The following DLGAP1 variants were observed in gnomAD, a reference collection of about 807,000 sequenced individuals.
DLGAP1 encodes the protein disks large-associated protein 1.
A neutral mutation model predicts 90.8 loss-of-function variants in DLGAP1; 11 were observed. The observed-to-expected ratio is 0.12, with a 90% CI of 0.08 to 0.20. The LOEUF (loss-of-function observed/expected upper bound fraction) is 0.20, where lower values mean the gene tolerates loss of function less well. Among genes scored for constraint, DLGAP1 ranks in the 10% least tolerant of loss-of-function variants. The pLI, the probability that DLGAP1 is intolerant of heterozygous loss-of-function variation, is 1.00. For synonymous variants in DLGAP1, 558 were observed against 540.7 expected (o/e 1.03, Z -0.44); for missense variants, 1,050 against 1,333.8 (o/e 0.79, Z 3.31).
intron 2 of DLGAP1, among the ~76,000 whole-genome samples, chr18:4,043,919 G>C (rs1446583769): frequency 6.6e-6 from 1 of 152,118 alleles, no homozygotes; most frequent in Non-Finnish European, 1.5e-5. Flanking sequence ...AGGGGAAATT[G>C]ATAAAACTTT....
chr18:3,520,516 C>A (rs1174104880), intron 10 of DLGAP1, among the ~76,000 whole-genome samples: 1 of 152,160 alleles, frequency 6.6e-6, no homozygotes, highest in Non-Finnish European at 1.5e-5. Context: ...GATTAAATTA[C>A]AATGAGGTCA....
chr18:3,620,343 G>A (rs757065306), intron 7 of DLGAP1, among the ~76,000 whole-genome samples: 28 of 151,946 alleles, frequency 1.8e-4, no homozygotes, highest in Non-Finnish European at 3.2e-4. Flanking sequence ...CTAGAAGCCC[G>A]AAAAGGACAC....
intron 9 of DLGAP1, among the ~76,000 whole-genome samples, chr18:3,561,208 G>A (rs1232016879): frequency 6.9e-6 from 1 of 145,710 alleles, no homozygotes. Flanking sequence ...CAGAGATTAG[G>A]AGTTTGAGAC....
chr18:4,258,768 T>C (rs987545732), intron 1 of DLGAP1, among the ~76,000 whole-genome samples: 1 of 151,854 alleles, frequency 6.6e-6, no homozygotes, highest in East Asian at 1.9e-4. Flanking sequence ...CAAATAGAAA[T>C]GATCAGCAAA....
At chr18:3,869,182 C>T (rs1459855359) in intron 4 of DLGAP1, among the ~76,000 whole-genome samples, 1 of 145,530 alleles carries the variant, frequency 6.9e-6, no homozygotes, top group Admixed American at 7.0e-5. Flanking sequence ...TGTATGAATA[C>T]ACTAAAGCTT....
chr18:3,898,064 G>C (rs942903696), intron 3 of DLGAP1, among the ~76,000 whole-genome samples: 3 of 152,172 alleles, frequency 2.0e-5, no homozygotes, highest in Non-Finnish European at 2.9e-5. Flanking sequence ...AAAGTGCTGG[G>C]ATTACAGGCG....
intron 3 of DLGAP1, among the ~76,000 whole-genome samples, chr18:3,973,251 C>A (rs988906235): frequency 6.2e-5 from 9 of 144,266 alleles, no homozygotes; most frequent in Non-Finnish European, 7.5e-5. Context: ...TAGAAAAAAA[C>A]CATTTTCAGT....
chr18:3,673,072 G>A (rs1435212725), intron 7 of DLGAP1, among the ~76,000 whole-genome samples: 1 of 152,174 alleles, frequency 6.6e-6, no homozygotes, highest in East Asian at 1.9e-4. Flanking sequence ...GTCTATCTTA[G>A]TCTAGATTCA....
intron 1 of DLGAP1, among the ~76,000 whole-genome samples, chr18:4,291,490 G>C (rs1217186797): frequency 2.0e-5 from 3 of 151,976 alleles, no homozygotes; most frequent in Non-Finnish European, 4.4e-5. Context: ...TTGTTACCAG[G>C]TATGTCATGT....
intron 1 of DLGAP1, among the ~76,000 whole-genome samples, chr18:4,266,543 TTTTC>T (rs1246414868): frequency 6.6e-6 from 1 of 152,228 alleles, no homozygotes; most frequent in Admixed American, 6.5e-5. Flanking sequence ...CTGTTCACTT[TTTTC>T]TTTATTTCCC....
intron 1 of DLGAP1, among the ~76,000 whole-genome samples, chr18:4,169,171 A>G (rs1438727498): frequency 2.0e-5 from 3 of 152,192 alleles, no homozygotes; most frequent in African/African-American, 7.2e-5. Flanking sequence ...ACCACTTGCA[A>G]TGCACAAGAC....
intron 5 of DLGAP1, among the ~76,000 whole-genome samples, chr18:3,766,491 A>C (rs2064248804): frequency 6.6e-6 from 1 of 152,204 alleles, no homozygotes; most frequent in Non-Finnish European, 1.5e-5. Flanking sequence ...CAGACATTAG[A>C]GAACACTCTA....
chr18:4,070,583 C>T (rs934852973), intron 2 of DLGAP1, among the ~76,000 whole-genome samples: 6 of 151,752 alleles, frequency 4.0e-5, no homozygotes, highest in African/African-American at 9.7e-5. Flanking sequence ...AAGATCTATG[C>T]TAAGAGAAAC....
chr18:3,563,477 T>G (rs1334596993), intron 9 of DLGAP1, among the ~76,000 whole-genome samples: 11 of 534 alleles, frequency 0.021, no homozygotes, highest in South Asian at 0.17. Context: ...TTTTTTTGGT[T>G]TTTTTTTTTG....
chr18:4,296,209 C>G (rs2079977374), intron 1 of DLGAP1, among the ~76,000 whole-genome samples: 1 of 152,328 alleles, frequency 6.6e-6, no homozygotes, highest in African/African-American at 2.4e-5. Flanking sequence ...AGCACGCAGC[C>G]TTCCTTTACC....
At chr18:4,296,741 C>T (rs1290297863) in intron 1 of DLGAP1, among the ~76,000 whole-genome samples, 1 of 152,212 alleles carries the variant, frequency 6.6e-6, no homozygotes, top group Admixed American at 6.5e-5. Context: ...AAATAACCAA[C>T]TGAAACTATA....
At chr18:4,434,699 G>A (rs1341019596) in intron 1 of DLGAP1, among the ~76,000 whole-genome samples, 1 of 152,154 alleles carries the variant, frequency 6.6e-6, no homozygotes, top group East Asian at 1.9e-4. Flanking sequence ...GCAATACATT[G>A]TAAGGAGTAC....
intron 2 of DLGAP1, among the ~76,000 whole-genome samples, chr18:4,130,642 G>A (rs568956014): frequency 6.6e-6 from 1 of 152,068 alleles, no homozygotes; most frequent in Non-Finnish European, 1.5e-5. Flanking sequence ...CAGTAGAAGG[G>A]GCAGGACCAC....
intron 7 of DLGAP1, among the ~76,000 whole-genome samples, chr18:3,608,846 T>C (rs902289402): frequency 2.6e-5 from 4 of 152,214 alleles, no homozygotes; most frequent in Admixed American, 1.3e-4. Context: ...CTGAAACTTT[T>C]CATTTTTTTG....
Sources: allele counts gnomAD v4.1 joint callset (sites outside exome capture counted in the v4.1 genomes callset), GRCh38; gene constraint gnomAD v4.1.1; transcripts MANE v1.5; gene names NCBI Gene and HGNC (gene_info 2026-07-23, HGNC 2026-07-21).